ERC2: variants seen among roughly 807,000 people sequenced by gnomAD.
ERC2 encodes the protein ERC protein 2.
ERC2 carries 42 observed loss-of-function variants against 114.8 expected under a neutral mutation model. The observed-to-expected ratio is 0.37, with a 90% CI of 0.29 to 0.47. The LOEUF is 0.47. Among genes scored for constraint, ERC2 ranks in the 20% least tolerant of loss-of-function variants. The pLI is 0.99. For missense variants in ERC2, 939 were observed against 1,150.7 expected (o/e 0.82, Z 2.66); for synonymous variants, 454 against 425.5 (o/e 1.07, Z -0.82).
chr3:55,831,394 G>A (rs1352328606), intron 14 of ERC2, among the ~76,000 whole-genome samples: 128 of 77,654 alleles, frequency 1.6e-3, no homozygotes, highest in East Asian at 3.0e-3. Flanking sequence ...GAAGGAAGGG[G>A]AGGGGAGGGG....
At chr3:55,885,191 C>T (rs755367467) in intron 14 of ERC2, among the ~76,000 whole-genome samples, 29 of 152,208 alleles carry the variant, frequency 1.9e-4, no homozygotes, top group Non-Finnish European at 4.0e-4. Context: ...ACCAACAATG[C>T]TTGGCACAGA....
At chr3:56,181,514 T>C (rs761656514) in intron 3 of ERC2, among the ~76,000 whole-genome samples, 1 of 152,216 alleles carries the variant, frequency 6.6e-6, no homozygotes, top group African/African-American at 2.4e-5. Context: ...TAGAAAAGTT[T>C]GTCAACCCTT....
At chr3:55,812,357 G>A (rs7649752) in intron 14 of ERC2, among the ~76,000 whole-genome samples, 3,390 of 152,158 alleles carry the variant, frequency 0.022, 140 homozygotes, top group African/African-American at 0.077. Context: ...AGTATTCTGA[G>A]GTTGGAAAAA....
At chr3:55,816,193 G>A (rs2059899787) in intron 14 of ERC2, among the ~76,000 whole-genome samples, 1 of 152,100 alleles carries the variant, frequency 6.6e-6, no homozygotes, top group Non-Finnish European at 1.5e-5. Context: ...TCCCAAATGG[G>A]GGAATTTTAA....
At chr3:55,568,116 T>C (rs187144116) in intron 17 of ERC2, among the ~76,000 whole-genome samples, 75 of 152,330 alleles carry the variant, frequency 4.9e-4, no homozygotes, top group African/African-American at 1.7e-3. Flanking sequence ...TTCTGCTCAT[T>C]ACAAGTGTAT....
intron 13 of ERC2, among the ~76,000 whole-genome samples, chr3:55,894,005 C>G (rs2063731488): frequency 6.6e-6 from 1 of 152,062 alleles, no homozygotes; most frequent in South Asian, 2.1e-4. Flanking sequence ...CTGAGCCTGG[C>G]AAATATGAAA....
intron 11 of ERC2, 58 bp from the exon 12 acceptor site, chr3:55,986,046 T>C (rs2070602064): frequency 2.0e-6 from 3 of 1,483,256 alleles, no homozygotes; most frequent in Non-Finnish European, 2.7e-6. Flanking sequence ...GGAAAAGGGA[T>C]AGCAAAAGAG....
intron 17 of ERC2, among the ~76,000 whole-genome samples, chr3:55,540,394 T>G (rs1394075160): frequency 1.3e-5 from 2 of 152,322 alleles, no homozygotes; most frequent in South Asian, 2.1e-4. Flanking sequence ...GGTGAGAATG[T>G]TCCAGACTGA....
At chr3:56,346,619 T>A (rs908765192) in intron 2 of ERC2, among the ~76,000 whole-genome samples, 2 of 152,196 alleles carry the variant, frequency 1.3e-5, no homozygotes, top group Non-Finnish European at 2.9e-5. Flanking sequence ...TAAATATGCA[T>A]CAAGCCAAAC....
chr3:55,767,035 C>T (rs1034831875), intron 14 of ERC2, among the ~76,000 whole-genome samples: 2 of 152,124 alleles, frequency 1.3e-5, no homozygotes, highest in Non-Finnish European at 2.9e-5. Flanking sequence ...TTATTGAGTG[C>T]TTACTGTGTG....
intron 17 of ERC2, among the ~76,000 whole-genome samples, chr3:55,527,008 C>T (rs1468797193): frequency 6.6e-6 from 1 of 152,254 alleles, no homozygotes; most frequent in Admixed American, 6.5e-5. Flanking sequence ...CTGGCCACCC[C>T]AGTTCTGGCC....
At chr3:56,136,452 C>A (rs1197240216) in intron 6 of ERC2, among the ~76,000 whole-genome samples, 1 of 151,692 alleles carries the variant, frequency 6.6e-6, no homozygotes, top group Admixed American at 6.6e-5. Flanking sequence ...ATTTTAGGTT[C>A]ACGGATACAT....
intron 13 of ERC2, among the ~76,000 whole-genome samples, chr3:55,942,447 C>A (rs2066870097): frequency 6.7e-6 from 1 of 149,280 alleles, no homozygotes; most frequent in South Asian, 2.2e-4. Context: ...CGCCACTACG[C>A]CCGGCTAATT....
chr3:56,311,273 A>C (rs1429471594), intron 2 of ERC2, among the ~76,000 whole-genome samples: 1 of 118,584 alleles, frequency 8.4e-6, no homozygotes, highest in Admixed American at 9.1e-5. Flanking sequence ...ATATATATAT[A>C]TATATATATA....
intron 8 of ERC2, 34 bp downstream of exon 8, chr3:56,018,860 A>C: frequency 6.2e-7 from 1 of 1,603,096 alleles, no homozygotes. Flanking sequence ...GTTTCCCCAT[A>C]TCCTGATTCC....
chr3:56,231,512 T>C (rs1440480359), intron 3 of ERC2, among the ~76,000 whole-genome samples: 2 of 152,252 alleles, frequency 1.3e-5, no homozygotes, highest in Non-Finnish European at 2.9e-5. Flanking sequence ...CATGTGGGGA[T>C]AGCATCTAGA....
chr3:56,245,035 T>C (rs2051586540), intron 3 of ERC2, among the ~76,000 whole-genome samples: 1 of 152,208 alleles, frequency 6.6e-6, no homozygotes, highest in Non-Finnish European at 1.5e-5. Context: ...CACATAGGTT[T>C]GTAGCATATT....
intron 2 of ERC2, among the ~76,000 whole-genome samples, chr3:56,426,986 A>G (rs1006216548): frequency 6.8e-6 from 1 of 146,596 alleles, no homozygotes; most frequent in Non-Finnish European, 1.5e-5. Flanking sequence ...ACATGGCAAA[A>G]CCTCATCTCT....
At chr3:56,241,045 A>C (rs1467932030) in intron 3 of ERC2, among the ~76,000 whole-genome samples, 1 of 152,066 alleles carries the variant, frequency 6.6e-6, no homozygotes, top group Non-Finnish European at 1.5e-5. Flanking sequence ...CCCATTGTTT[A>C]GCTCCCACTT....
Sources: allele counts gnomAD v4.1 joint callset (sites outside exome capture counted in the v4.1 genomes callset), GRCh38; gene constraint gnomAD v4.1.1; transcripts MANE v1.5; gene names NCBI Gene and HGNC (gene_info 2026-07-23, HGNC 2026-07-21).